PLCG2: variants seen among roughly 807,000 people sequenced by gnomAD.
PLCG2 encodes phospholipase C gamma 2, also known as 1-phosphatidylinositol 4,5-bisphosphate phosphodiesterase gamma-2.
PLCG2 carries 69 observed loss-of-function variants against 175.6 expected under a neutral mutation model. That is an observed-to-expected ratio of 0.39 (90% CI 0.32 to 0.48). The LOEUF (loss-of-function observed/expected upper bound fraction) is 0.48. Among genes scored for constraint, PLCG2 ranks in the 20% least tolerant of loss-of-function variants. The pLI, the probability that PLCG2 is intolerant of heterozygous loss-of-function variation, is 0.91. For missense variants in PLCG2, 1,798 were observed against 1,650.9 expected (o/e 1.09, Z -1.54); for synonymous variants, 827 against 624.0 (o/e 1.33, Z -4.85).
At chr16:81,809,699 G>T (rs1257187505) in intron 2 of PLCG2, among the ~76,000 whole-genome samples, 1 of 152,024 alleles carries the variant, frequency 6.6e-6, no homozygotes, top group Non-Finnish European at 1.5e-5. Flanking sequence ...GAGCCTGTGT[G>T]TGCCTATGCA....
intron 2 of PLCG2, among the ~76,000 whole-genome samples, chr16:81,817,545 A>C (rs983617363): frequency 6.6e-6 from 1 of 152,268 alleles, no homozygotes; most frequent in African/African-American, 2.4e-5. Context: ...AGTAAACACA[A>C]GTGATAAAAC....
chr16:81,742,016 C>T (rs1196914221), intron 1 of PLCG2, among the ~76,000 whole-genome samples: 1 of 152,160 alleles, frequency 6.6e-6, no homozygotes, highest in African/African-American at 2.4e-5. Flanking sequence ...CATTCACCAA[C>T]TTCTCCCTAT....
chr16:81,947,804 C>T (rs768689501), intron 31 of PLCG2, among the ~76,000 whole-genome samples: 2 of 152,204 alleles, frequency 1.3e-5, no homozygotes, highest in Non-Finnish European at 2.9e-5. Context: ...ATTTTATTAC[C>T]TACTGTATTT....
At chr16:81,764,007 C>T (rs1567696251) in intron 2 of PLCG2, among the ~76,000 whole-genome samples, 1 of 148,862 alleles carries the variant, frequency 6.7e-6, no homozygotes, top group Non-Finnish European at 1.5e-5. Flanking sequence ...TTACGAAGTT[C>T]TGAGGCTGGG....
At chr16:81,800,352 G>T (rs555731607) in intron 2 of PLCG2, among the ~76,000 whole-genome samples, 5 of 152,170 alleles carry the variant, frequency 3.3e-5, no homozygotes, top group African/African-American at 9.6e-5. Flanking sequence ...TTATTCTGAT[G>T]CTCTCCTCCA....
At chr16:81,791,985 T>A (rs1911253320) in intron 2 of PLCG2, among the ~76,000 whole-genome samples, 1 of 152,052 alleles carries the variant, frequency 6.6e-6, no homozygotes, top group Non-Finnish European at 1.5e-5. Context: ...TTGCACCAAC[T>A]CAGATCAGCA....
chr16:81,769,557 G>T (rs1379276499), intron 2 of PLCG2, among the ~76,000 whole-genome samples: 1 of 152,134 alleles, frequency 6.6e-6, no homozygotes, highest in Admixed American at 6.5e-5. Context: ...GCTCACGCCT[G>T]TAATCCCAGC....
chr16:81,801,823 G>C (rs1911733515), intron 2 of PLCG2, among the ~76,000 whole-genome samples: 1 of 151,992 alleles, frequency 6.6e-6, no homozygotes, highest in Non-Finnish European at 1.5e-5. Flanking sequence ...TGGGATTACA[G>C]TTGTACACCA....
intron 2 of PLCG2, among the ~76,000 whole-genome samples, chr16:81,835,434 A>C (rs937192623): frequency 1.3e-5 from 2 of 152,090 alleles, no homozygotes; most frequent in African/African-American, 4.8e-5. Context: ...CATCTCTACC[A>C]AAAATACAAA....
intron 2 of PLCG2, among the ~76,000 whole-genome samples, chr16:81,821,357 C>T (rs753462910): frequency 6.6e-6 from 1 of 152,220 alleles, no homozygotes; most frequent in African/African-American, 2.4e-5. Context: ...GTGGTGAATA[C>T]TGGAGGTATT....
In PLCG2 at chr16:81,757,806, C is replaced by T. The variant is rs139342371; in HGVS notation, c.-48+1840C>T. Among the ~76,000 whole-genome samples the T allele has an allele frequency of 5.9e-5, 9 of 152,104 alleles. No homozygotes were observed. In the East Asian group the frequency reaches 9.7e-4, roughly 16 times the overall value. On this transcript the variant is annotated intron_variant, in intron 2 of 5. Coordinates refer to the PLCG2 transcript ENST00000565054. Reference sequence around the variant, plus strand: ...AACAGAAACCCAGTACCCCTTAGGCCGTCACTCCCTATACCCCCTTCCCCC... The same window carrying T: ...AACAGAAACCCAGTACCCCTTAGGCTGTCACTCCCTATACCCCCTTCCCCC...
intron 2 of PLCG2, among the ~76,000 whole-genome samples, chr16:81,837,372 C>CACCCT: frequency 6.6e-6 from 1 of 152,348 alleles, no homozygotes; most frequent in East Asian, 1.9e-4. Flanking sequence ...AACGAGTGGG[C>CACCCT]ACCCTGCAGG....
rs9932049 is a variant in PLCG2 at position 81,961,948 on chromosome 16, C to T, written c.*3950C>T. On this transcript the variant is annotated 3_prime_UTR_variant, in exon 33 of 33. Transcript: ENST00000564138. The stretch of plus-strand genomic sequence containing the variant: ...ATCGGATGTGAGGGCGATCTGGCTG[C>T]GACATCTGTCACCCCATTGATCGCC... 18,674 of 196,484 alleles carry T rather than the reference C, an allele frequency of 0.095. 1,797 individuals carry two copies. Among genetic ancestry groups the T allele is most frequent in the African/African-American group, 0.27 (11,853 of 43,292 alleles). The allele number at this position is 196,484 out of a possible 1,614,324, so 12.2% of individuals were successfully genotyped here.
chr16:81,959,890 C>A lies in PLCG2; in HGVS notation c.*1892C>A. On this transcript the variant is annotated 3_prime_UTR_variant, in exon 33 of 33. Coordinates refer to ENST00000564138, the MANE Select transcript of PLCG2 (RefSeq NM_002661.5). ...ATTACCTCCTTTCAGCTCCTCACTT[C>A]ATTCTACTTTAAAGCCACAGTGCTA... 5.2e-6 allele frequency: 1 copy of A among 191,008 alleles called. No individual in the cohort carries two copies. Among genetic ancestry groups the A allele is most frequent in the Non-Finnish European group, 1.1e-5 (1 of 91,134 alleles). 11.8% of individuals were successfully genotyped at this position (191,008 alleles called of 1,614,324 possible).
chr16:81,881,771 A>G (rs1908091323), intron 8 of PLCG2, among the ~76,000 whole-genome samples: 1 of 151,436 alleles, frequency 6.6e-6, no homozygotes, highest in Non-Finnish European at 1.5e-5. Flanking sequence ...CATCCTCCGA[A>G]TAGCTGGGAC....
intron 2 of PLCG2, among the ~76,000 whole-genome samples, chr16:81,760,766 T>TAAAAA (rs1555562071): frequency 3.3e-5 from 3 of 91,568 alleles, no homozygotes; most frequent in East Asian, 2.7e-4. Flanking sequence ...AAAATAATAA[T>TAAAAA]AATAATAATA....
chr16:81,901,606 T>C (rs1411172452), intron 14 of PLCG2, among the ~76,000 whole-genome samples: 2 of 152,230 alleles, frequency 1.3e-5, no homozygotes, highest in Admixed American at 1.3e-4. Flanking sequence ...TACATCTTTA[T>C]TTGTTTAACC....
chr16:81,858,283 G>C lies in PLCG2; in HGVS notation c.358G>C (p.Val120Leu). ...SLAADSKEDA[V>L]NWLSGLKILH... is the part of the protein sequence containing the mutation. Reference sequence around the variant, plus strand: ...TCCAGCTGACTCTAAAGAGGATGCAGTTAACTGGCTCTCTGGCTTGAAAAT... The same window carrying C: ...TCCAGCTGACTCTAAAGAGGATGCACTTAACTGGCTCTCTGGCTTGAAAAT... The change falls in exon 4 of 33, where the codon GTT becomes CTT. Residue 120 changes from valine to leucine, a missense_variant. Coordinates refer to ENST00000564138, the MANE Select transcript of PLCG2 (RefSeq NM_002661.5). 6.2e-7 allele frequency: 1 copy of C among 1,613,366 alleles called. No individual in the cohort carries two copies. The highest frequency in any genetic ancestry group is 1.3e-5 in the African/African-American group (1 of 75,040).
intron 2 of PLCG2, among the ~76,000 whole-genome samples, chr16:81,822,484 C>T (rs1469584024): frequency 6.6e-6 from 1 of 152,074 alleles, no homozygotes; most frequent in African/African-American, 2.4e-5. Context: ...GGGCTGGGGG[C>T]AGTGGCTCAT....
Sources: gnomAD v4.1 joint callset for allele counts (sites outside exome capture counted in the v4.1 genomes callset) on GRCh38, gnomAD v4.1.1 for gene constraint, MANE v1.5 for transcripts, NCBI Gene and HGNC (gene_info 2026-07-23, HGNC 2026-07-21) for gene names.